ZNF177: variants seen among roughly 807,000 people sequenced by gnomAD.
ZNF177 encodes zinc finger protein 177.
Under a neutral mutation model 19.4 loss-of-function variants are expected in ZNF177, and 17 were observed. The ratio of observed to expected loss-of-function variants is 0.87; its 90% CI spans 0.60 to 1.31. The LOEUF (loss-of-function observed/expected upper bound fraction) is 1.31. Ranked by LOEUF, ZNF177 falls within the 40% of genes most tolerant of loss-of-function variation. The pLI is 0.00. For synonymous variants in ZNF177, 220 were observed against 188.7 expected (o/e 1.17, Z -1.36); for missense variants, 633 against 561.8 (o/e 1.13, Z -1.28).
rs116955672 is a variant in ZNF177, at chr19:9,380,250, C to T, written c.336+111C>T. On this transcript the variant is annotated intron_variant, in intron 5 of 5. Transcript: ENST00000589262. ...GGTAAGAATTCAGGCACCAGGCTTT[C>T]ACCAGAAAGCTGTCTCGGGAGAGTT... 3.0e-3 allele frequency: 3,849 copies of T among 1,279,226 alleles called. 66 individuals carry two copies. The East Asian group carries it at 0.055, about 18-fold the overall frequency. The allele number at this position is 1,279,226 out of a possible 1,614,324, so 79.2% of individuals were successfully genotyped here.
At chr19:9,381,040 T>G in exon 6 of ZNF177, 1 of 1,602,356 alleles carries the variant, frequency 6.2e-7, no homozygotes, top group African/African-American at 1.3e-5. Context: ...ATGCAGTGAC[T>G]ATGGCAAAAT....
exon 6 of ZNF177, chr19:9,380,734 C>T (rs774836966): frequency 3.4e-5 from 52 of 1,535,754 alleles, no homozygotes; most frequent in African/African-American, 8.2e-5. Context: ...AAAGAACACT[C>T]GCTTTATTTG....
upstream of ZNF177, among the ~76,000 whole-genome samples, chr19:9,375,510 C>A (rs138578381): frequency 7.9e-5 from 12 of 152,272 alleles, no homozygotes; most frequent in African/African-American, 2.6e-4. Context: ...AATCTCCTTA[C>A]TCATTATTGA....
exon 6 of ZNF177, chr19:9,380,985 C>T (rs774890030): frequency 6.4e-7 from 1 of 1,553,956 alleles, no homozygotes; most frequent in South Asian, 1.2e-5. Flanking sequence ...TACACTCTTC[C>T]TGCTCAGTAC....
At chr19:9,374,623 T>G (rs2068086903), upstream of ZNF177, among the ~76,000 whole-genome samples, 1 of 152,130 alleles carries the variant, frequency 6.6e-6, no homozygotes, top group East Asian at 1.9e-4. Context: ...TTTACTCTTT[T>G]TGATATTATT....
chr19:9,378,344 G>T, exon 2 of ZNF177: 1 of 1,613,594 alleles, frequency 6.2e-7, no homozygotes, highest in Non-Finnish European at 8.5e-7. Context: ...CCTGGTCACA[G>T]GTACACAAGA....
intron 1 of ZNF177, among the ~76,000 whole-genome samples, chr19:9,363,902 A>G (rs764820266): frequency 1.3e-5 from 2 of 152,204 alleles, no homozygotes; most frequent in Non-Finnish European, 2.9e-5. Flanking sequence ...GCTGCCTTCC[A>G]GGTCTCAGAA....
chr19:9,373,028 T>A (rs968298018), upstream of ZNF177, among the ~76,000 whole-genome samples: 1 of 152,180 alleles, frequency 6.6e-6, no homozygotes, highest in Non-Finnish European at 1.5e-5. Context: ...TAAGATGCAC[T>A]CTCTTGGAAA....
At chr19:9,375,232 G>T (rs2122531653), upstream of ZNF177, among the ~76,000 whole-genome samples, 1 of 152,158 alleles carries the variant, frequency 6.6e-6, no homozygotes, top group Admixed American at 6.5e-5. Context: ...TGTTGAATTT[G>T]GTTTGCTAGT....
intron 2 of ZNF177, among the ~76,000 whole-genome samples, chr19:9,365,598 C>T (rs903296168): frequency 3.3e-5 from 5 of 152,236 alleles, no homozygotes; most frequent in Admixed American, 6.5e-5. Flanking sequence ...GGCATCCCCA[C>T]GTGGTCAGAC....
intron 4 of ZNF177, 165 bp downstream of exon 6, chr19:9,379,784 G>A: frequency 1.1e-6 from 1 of 903,960 alleles, no homozygotes; most frequent in South Asian, 1.9e-5. Context: ...CGAGAAAGAA[G>A]TTTTAATTCC....
downstream of ZNF177, chr19:9,382,541 T>C: frequency 2.5e-6 from 1 of 396,860 alleles, no homozygotes; most frequent in Middle Eastern, 6.4e-4. Flanking sequence ...ACCACTCTTG[T>C]GGGAAGTTCC....
chr19:9,368,459 C>G (rs2068007663), intron 2 of ZNF177, among the ~76,000 whole-genome samples: 1 of 152,024 alleles, frequency 6.6e-6, no homozygotes. Flanking sequence ...TTGTGTTTTT[C>G]TCCTTTTGTC....
At position 9,381,562 on chromosome 19, in the gene ZNF177, C is replaced by T. The variant is rs767574294; in HGVS notation, c.1231C>T (p.Leu411Phe). 2.4e-5 allele frequency: 38 copies of T among 1,614,022 alleles called. No individual in the cohort carries two copies. The Admixed American group carries it at 6.0e-4, about 25-fold the overall frequency. ...AAAGTCCTTCAGCACAGGCTCTTACCTTATTGTGCACAAGAGAACTCACAC... is the reference window on the plus strand; with the variant it reads ...AAAGTCCTTCAGCACAGGCTCTTACTTTATTGTGCACAAGAGAACTCACAC... The change falls in exon 6 of 6, where the codon CTT becomes TTT. Residue 411 changes from leucine to phenylalanine, a missense_variant. Physicochemically the swap from Leu to Phe is conservative, Grantham distance 22. Coordinates refer to ENST00000589262, the Ensembl canonical transcript of ZNF177.
upstream of ZNF177, among the ~76,000 whole-genome samples, chr19:9,375,630 G>A (rs1266385113): frequency 6.6e-6 from 1 of 151,870 alleles, no homozygotes; most frequent in African/African-American, 2.4e-5. Flanking sequence ...TTTTCATTAT[G>A]GTCTCATGAT....
intron 3 of ZNF177, 144 bp from the exon 6 acceptor site, chr19:9,379,383 T>A: frequency 8.1e-7 from 1 of 1,239,460 alleles, no homozygotes; most frequent in Non-Finnish European, 1.1e-6. Flanking sequence ...AAGAAAGAGC[T>A]CGGCTCTGAT....
In ZNF177 at chr19:9,380,845, G is replaced by A. The variant is rs1417939451; in HGVS notation, c.514G>A (p.Gly172Arg). Residue 172 changes from glycine (G) to arginine (R), a missense_variant, in exon 6 of 6, where the codon GGA becomes AGA. By Grantham distance (125) the Gly-to-Arg change is moderately radical (BLOSUM62 -2). Coordinates refer to ENST00000589262, the Ensembl canonical transcript of ZNF177. ...TAGGAGTCATGTGAGCATTCACATTGGAGAGAAAACTCTTGAATTTACTGA... is the reference window on the plus strand; with the variant it reads ...TAGGAGTCATGTGAGCATTCACATTAGAGAGAAAACTCTTGAATTTACTGA... 4.6e-6 allele frequency: 7 copies of A among 1,535,942 alleles called. No homozygotes were observed. The East Asian group carries it at 9.8e-5, about 21-fold the overall frequency.
chr19:9,380,076 A>G, exon 5 of ZNF177: 1 of 1,611,764 alleles, frequency 6.2e-7, no homozygotes, highest in African/African-American at 1.3e-5. Context: ...CTCAACTTAA[A>G]CCAAAAGATA....
Position 9,378,249 on chromosome 19 carries a change from TCTC to T in ZNF177, c.-53-6_-53-4del. On this transcript the variant is annotated splice_polypyrimidine_tract_variant and splice_region_variant and intron_variant, in intron 1 of 5. Coordinates refer to ENST00000589262, the Ensembl canonical transcript of ZNF177. ...GCCTAGACTCTAATGGCTTCTGTGT[TCTC>T]CTCTAGCTCTGCCTGCTTAGGACTC... 1.9e-6 allele frequency: 3 copies of T among 1,605,612 alleles called. No homozygotes were observed. The highest frequency in any genetic ancestry group is 2.2e-5 in the East Asian group (1 of 44,604).
Sources: allele counts gnomAD v4.1 joint callset (sites outside exome capture counted in the v4.1 genomes callset), GRCh38; gene constraint gnomAD v4.1.1; transcripts MANE v1.5; gene names NCBI Gene and HGNC (gene_info 2026-07-23, HGNC 2026-07-21).